Variants in MYH9 observed in about 807,000 individuals in gnomAD.
MYH9 encodes myosin heavy chain 9, also known as myosin-9.
Under a neutral mutation model 241.9 loss-of-function variants are expected in MYH9, and 29 were observed. That is an observed-to-expected ratio of 0.12 (90% CI 0.09 to 0.16). MYH9 has a LOEUF of 0.16. Ranked by LOEUF, MYH9 falls within the 10% of genes least tolerant of loss-of-function variation. The probability of loss-of-function intolerance (pLI) is 1.00; values close to 1 mark genes in which losing one functional copy is unlikely to be tolerated. For missense variants in MYH9, 1,803 were observed against 2,595.5 expected, an observed-to-expected ratio of 0.69 and a Z score of 6.63; for synonymous variants, 1,047 against 1,062.6, an observed-to-expected ratio of 0.99 and a Z score of 0.29.
chr22:36,359,844 A>G (rs1029803402), intron 1 of MYH9, among the ~76,000 whole-genome samples: 6 of 152,222 alleles, frequency 3.9e-5, no homozygotes, highest in Admixed American at 1.3e-4. Flanking sequence ...ACAGAAGTGG[A>G]AAAACCACAG....
At chr22:36,356,754 C>T (rs549189770) in intron 1 of MYH9, among the ~76,000 whole-genome samples, 10 of 152,238 alleles carry the variant, frequency 6.6e-5, no homozygotes, top group Admixed American at 4.6e-4. Flanking sequence ...AATGAGGTCG[C>T]GCGGCAGGAC....
intron 24 of MYH9, among the ~76,000 whole-genome samples, chr22:36,298,349 A>C (rs1314025515): frequency 1.3e-5 from 2 of 152,068 alleles, no homozygotes; most frequent in Non-Finnish European, 2.9e-5. Flanking sequence ...ACAGATCCCG[A>C]GGGCACACAG....
chr22:36,305,202 G>T lies in MYH9; in HGVS notation c.2160-100C>A. 2 of 1,055,732 alleles carry T rather than the reference G, an allele frequency of 1.9e-6. No individual in the cohort carries two copies. The highest frequency in any genetic ancestry group is 1.5e-6 in the Non-Finnish European group (1 of 684,808). The allele number at this position is 1,055,732 out of a possible 1,614,324, so 65.4% of individuals were successfully genotyped here. On this transcript the variant is annotated intron_variant, in intron 17 of 40. Transcript: ENST00000216181. The surrounding 1 kb of genome is among the most constrained non-coding windows in gnomAD (Gnocchi z 4.7). ...TTAACATCATTTCTACAATGCAACAGACACAGAATTCTTTACACAAACTCT... is the reference window on the plus strand; with the variant it reads ...TTAACATCATTTCTACAATGCAACATACACAGAATTCTTTACACAAACTCT...
chr22:36,370,862 G>C (rs1188406328), intron 1 of MYH9, among the ~76,000 whole-genome samples: 1 of 152,128 alleles, frequency 6.6e-6, no homozygotes, highest in Non-Finnish European at 1.5e-5. Flanking sequence ...GGCAGTGGGG[G>C]GTGGGAAGAA....
At chr22:36,338,830 A>G (rs1249947271) in intron 3 of MYH9, among the ~76,000 whole-genome samples, 3 of 151,752 alleles carry the variant, frequency 2.0e-5, no homozygotes, top group Non-Finnish European at 2.9e-5. Flanking sequence ...AAAAAAAAAA[A>G]AAAAGAAAAA....
rs2146332041 is a variant in MYH9, at chr22:36,289,118, G to A, written c.4524C>T (p.Asp1508=). The change falls in exon 32 of 41, where the codon GAC becomes GAT. Residue 1508 remains aspartate, a synonymous_variant. Transcript: ENST00000216181. ...LNKQFRTEME[D]LMSSKDDVGK... ...CCACATCATCCTTGGAGCTCATAAG[G>A]TCCTCCATCTCCGTGCGGAACTGCT... 1 of 1,614,074 alleles carries A rather than the reference G, an allele frequency of 6.2e-7. No homozygotes were observed. The highest frequency in any genetic ancestry group is 8.5e-7 in the Non-Finnish European group (1 of 1,180,020).
Position 36,301,440 on chromosome 22 carries a change from T to C in MYH9, c.2631+94A>G, listed in dbSNP as rs78511797. 28,288 of 1,550,070 alleles carry C rather than the reference T, an allele frequency of 0.018. 367 individuals are homozygous for C. Among genetic ancestry groups the C allele is most frequent in the Middle Eastern group, 0.053 (311 of 5,896 alleles). ...CAGTTGTAGAAAACTCCTATAGTAA[T>C]AGAAACTTCCAGCATGCCGTGCCTA... On this transcript the variant is annotated intron_variant, in intron 21 of 40. Transcript: ENST00000216181.
chr22:36,314,077 G>A, intron 13 of MYH9, 68 bp downstream of exon 13: 1 of 1,543,112 alleles, frequency 6.5e-7, no homozygotes, highest in South Asian at 1.1e-5. Context: ...GAGCTGAGGT[G>A]AGGAGCGGGT....
chr22:36,294,366 C>A, intron 27 of MYH9, 68 bp from the exon 28 acceptor site: 4 of 1,531,364 alleles, frequency 2.6e-6, no homozygotes, highest in Non-Finnish European at 9.0e-7. Flanking sequence ...TCTATCATCA[C>A]TGGACCCTAG....
chr22:36,383,007 G>A (rs1347948929), intron 1 of MYH9, among the ~76,000 whole-genome samples: 2 of 151,990 alleles, frequency 1.3e-5, no homozygotes, highest in Non-Finnish European at 2.9e-5. Flanking sequence ...GGTTGCTTGA[G>A]CCCAGGGGTT....
Position 36,293,853 on chromosome 22 carries a change from T to C in MYH9, c.3848A>G (p.Asp1283Gly). The C allele has an allele frequency of 1.2e-6, 2 of 1,613,400 alleles. No individual in the cohort carries two copies. The highest frequency in any genetic ancestry group is 1.7e-6 in the Non-Finnish European group (2 of 1,179,834). Reference sequence around the variant, plus strand: ...CTGGCTGAGAAGCCCGGTCACGTTGTCCAGCTCCACCTGCACCGGGCGGGG... The same window carrying C: ...CTGGCTGAGAAGCCCGGTCACGTTGCCCAGCTCCACCTGCACCGGGCGGGG... ...DKVTKLQVEL[D>G]NVTGLLSQSD... The change falls in exon 29 of 41, where the codon GAC becomes GGC. Residue 1283 changes from aspartate (D) to glycine (G), a missense_variant. Asp to Gly is a moderately conservative substitution (Grantham distance 94). This residue lies in a region of MYH9 where 876 missense variants were observed against 1,077.8 expected (regional missense o/e 0.81). Coordinates refer to ENST00000216181, the MANE Select transcript of MYH9 (RefSeq NM_002473.6). The surrounding 1 kb of genome is among the most constrained non-coding windows in gnomAD (Gnocchi z 5.1).
intron 1 of MYH9, among the ~76,000 whole-genome samples, chr22:36,368,463 A>G (rs1327700023): frequency 1.3e-5 from 2 of 152,158 alleles, no homozygotes; most frequent in African/African-American, 4.8e-5. Context: ...GAGACAGCGA[A>G]TGCACACAGA....
intron 10 of MYH9, among the ~76,000 whole-genome samples, chr22:36,319,092 G>A (rs920572678): frequency 6.6e-5 from 10 of 152,126 alleles, no homozygotes; most frequent in African/African-American, 2.4e-4. Flanking sequence ...ACACACCCAT[G>A]CGTTACATCT....
chr22:36,282,663 G>T lies in MYH9; in HGVS notation c.*5C>A, dbSNP rs961965453. 1 of 1,613,386 alleles carries T rather than the reference G, an allele frequency of 6.2e-7. No individual in the cohort carries two copies. The highest frequency in any genetic ancestry group is 8.5e-7 in the Non-Finnish European group (1 of 1,179,570). On this transcript the variant is annotated 3_prime_UTR_variant, in exon 41 of 41. Transcript: ENST00000216181. The stretch of plus-strand genomic sequence containing the variant: ...CCATCCATCTCAGGCTGCAGGAGAA[G>T]AGGCTTATTCGGCAGGTTTGGCCTC...
chr22:36,301,417 G>A, intron 21 of MYH9, 117 bp downstream of exon 21: 2 of 1,390,004 alleles, frequency 1.4e-6, no homozygotes, highest in Non-Finnish European at 2.0e-6. Flanking sequence ...AGGAAACTCA[G>A]TTGTAGAAAA....
At chr22:36,381,094 T>C (rs1300271986) in intron 1 of MYH9, among the ~76,000 whole-genome samples, 1 of 152,140 alleles carries the variant, frequency 6.6e-6, no homozygotes, top group Non-Finnish European at 1.5e-5. Flanking sequence ...TTGTAAAAGG[T>C]AGGCATTCAA....
chr22:36,346,390 G>T (rs117520472), intron 2 of MYH9, among the ~76,000 whole-genome samples: 5,579 of 152,216 alleles, frequency 0.037, 132 homozygotes, highest in South Asian at 0.058. Flanking sequence ...ACATTGCAGG[G>T]CACTCAGAAG....
Position 36,312,142 on chromosome 22 carries a change from C to T in MYH9, c.1635G>A (p.Lys545=), listed in dbSNP as rs2017074419. 6.2e-7 allele frequency: 1 copy of T among 1,614,220 alleles called. No individual in the cohort carries two copies. The highest frequency in any genetic ancestry group is 8.5e-7 in the Non-Finnish European group (1 of 1,180,038). The change falls in exon 14 of 41, where the codon AAG becomes AAA. Residue 545 remains lysine (K), a synonymous_variant. Coordinates refer to ENST00000216181, the MANE Select transcript of MYH9 (RefSeq NM_002473.6). The stretch of plus-strand genomic sequence containing the variant: ...GGTGGGTGCCCTGCTCCTGCATCAC[C>T]TTCTCCACGAAGCTCTTGTCGGTGG... ...PKATDKSFVE[K]VMQEQGTHPK... is the part of the protein sequence containing the mutation.
At chr22:36,284,993 G>A in intron 38 of MYH9, 128 bp downstream of exon 38, 1 of 869,542 alleles carries the variant, frequency 1.2e-6, no homozygotes, top group South Asian at 1.6e-5. Context: ...GGCCCCATCA[G>A]GAGGGAGGGA....
Sources: gnomAD v4.1 joint callset for allele counts (sites outside exome capture counted in the v4.1 genomes callset) on GRCh38, gnomAD v4.1.1 for gene constraint, gnomAD v4.1.1 regional missense constraint, Gnocchi (gnomAD v3.1) non-coding constraint, MANE v1.5 for transcripts, NCBI Gene and HGNC (gene_info 2026-07-23, HGNC 2026-07-21) for gene names.